CSMD1: variants seen among roughly 807,000 people sequenced by gnomAD.
The protein encoded by CSMD1 is CUB and Sushi multiple domains 1, also known as CUB and sushi domain-containing protein 1.
In CSMD1, 213 loss-of-function variants were observed where a neutral mutation model predicts 417.5. That is an observed-to-expected ratio of 0.51 (90% CI 0.46 to 0.57). The LOEUF is 0.57. Ranked by LOEUF, CSMD1 falls within the 20% of genes least tolerant of loss-of-function variation. CSMD1 has a pLI of 0.00. For synonymous variants in CSMD1, 2,862 were observed against 1,736.8 expected, an observed-to-expected ratio of 1.65 and a Z score of -16.11; for missense variants, 6,923 against 4,529.7, an observed-to-expected ratio of 1.53 and a Z score of -15.17.
intron 1 of CSMD1, among the ~76,000 whole-genome samples, chr8:4,900,918 C>T (rs983994824): frequency 6.6e-6 from 1 of 152,210 alleles, no homozygotes; most frequent in African/African-American, 2.4e-5. Flanking sequence ...TACTTCTCTC[C>T]CTTGCATCCT....
At chr8:4,056,418 T>G (rs112230925) in intron 3 of CSMD1, among the ~76,000 whole-genome samples, 14 of 151,968 alleles carry the variant, frequency 9.2e-5, no homozygotes, top group African/African-American at 2.4e-4. Context: ...CTTTTTTTTT[T>G]GTTTGTGCCA....
At chr8:4,410,625 T>C (rs908674217) in intron 3 of CSMD1, among the ~76,000 whole-genome samples, 43 of 152,116 alleles carry the variant, frequency 2.8e-4, no homozygotes, top group African/African-American at 9.9e-4. Flanking sequence ...TATTACCAAA[T>C]GTAATGTATA....
chr8:3,372,375 G>A (rs887020778), intron 18 of CSMD1, among the ~76,000 whole-genome samples: 1 of 152,126 alleles, frequency 6.6e-6, no homozygotes. Flanking sequence ...GGCACTGGAT[G>A]GCCCTGCCTA....
intron 3 of CSMD1, among the ~76,000 whole-genome samples, chr8:4,226,831 A>C (rs1801389316): frequency 6.6e-6 from 1 of 152,242 alleles, no homozygotes. Context: ...TTGAAATGCA[A>C]ATGCAAATGC....
chr8:3,103,748 T>A (rs11136578), intron 46 of CSMD1, among the ~76,000 whole-genome samples: 91,595 of 137,220 alleles, frequency 0.67, 28,817 homozygotes, highest in South Asian at 0.8. Flanking sequence ...CCTTTTTTTT[T>A]TAAAAAAAAA....
intron 10 of CSMD1, among the ~76,000 whole-genome samples, chr8:3,574,359 G>C (rs112806712): frequency 6.6e-6 from 1 of 152,186 alleles, no homozygotes; most frequent in South Asian, 2.1e-4. Context: ...CTGGGCCTCA[G>C]CCTCTCGAAT....
intron 3 of CSMD1, among the ~76,000 whole-genome samples, chr8:4,194,881 C>G (rs1799239978): frequency 1.3e-5 from 2 of 151,964 alleles, no homozygotes; most frequent in Admixed American, 1.3e-4. Flanking sequence ...ATTGGTCAGC[C>G]ACATAATTAG....
intron 1 of CSMD1, among the ~76,000 whole-genome samples, chr8:4,670,547 C>G (rs1404024321): frequency 6.6e-6 from 1 of 152,138 alleles, no homozygotes; most frequent in East Asian, 1.9e-4. Context: ...GTCTTATATT[C>G]TGATCGTTAC....
chr8:3,617,862 G>A (rs1802220369), intron 7 of CSMD1, among the ~76,000 whole-genome samples: 1 of 152,054 alleles, frequency 6.6e-6, no homozygotes, highest in South Asian at 2.1e-4. Flanking sequence ...TAGCTGAAAG[G>A]TATACATATA....
chr8:4,888,295 C>G (rs1325192246), intron 1 of CSMD1, among the ~76,000 whole-genome samples: 1 of 152,008 alleles, frequency 6.6e-6, no homozygotes, highest in Non-Finnish European at 1.5e-5. Context: ...CACACCCTCT[C>G]CTCACATCAA....
chr8:3,683,093 G>A (rs891176128), intron 7 of CSMD1, among the ~76,000 whole-genome samples: 3 of 151,996 alleles, frequency 2.0e-5, no homozygotes, highest in African/African-American at 7.2e-5. Flanking sequence ...TATACCTAAT[G>A]CTAAATGACA....
chr8:4,154,950 T>C (rs957029138), intron 3 of CSMD1, among the ~76,000 whole-genome samples: 8 of 152,208 alleles, frequency 5.3e-5, no homozygotes, highest in East Asian at 1.9e-4. Context: ...CAAAATGTTA[T>C]ATTGAAAATT....
chr8:3,903,552 A>G (rs1183385598), intron 5 of CSMD1, among the ~76,000 whole-genome samples: 1 of 152,160 alleles, frequency 6.6e-6, no homozygotes, highest in Non-Finnish European at 1.5e-5. Flanking sequence ...CCTGTTTCTG[A>G]ATTTCAATGT....
chr8:4,979,290 C>G (rs1405690517), intron 1 of CSMD1, among the ~76,000 whole-genome samples: 1 of 152,162 alleles, frequency 6.6e-6, no homozygotes, highest in African/African-American at 2.4e-5. Context: ...TGGTTCTATG[C>G]TTTTTACATG....
At chr8:4,186,877 T>A (rs1307950274) in intron 3 of CSMD1, among the ~76,000 whole-genome samples, 1 of 150,644 alleles carries the variant, frequency 6.6e-6, no homozygotes, top group Non-Finnish European at 1.5e-5. Flanking sequence ...GTGCCTGTAG[T>A]CCCAGCTACT....
At chr8:3,887,527 A>G (rs1351583610) in intron 5 of CSMD1, among the ~76,000 whole-genome samples, 1 of 152,208 alleles carries the variant, frequency 6.6e-6, no homozygotes, top group Non-Finnish European at 1.5e-5. Flanking sequence ...GTAAACATGA[A>G]TGTCCAGACC....
chr8:4,572,593 T>G (rs1028335861), intron 2 of CSMD1, among the ~76,000 whole-genome samples: 1 of 152,138 alleles, frequency 6.6e-6, no homozygotes, highest in Non-Finnish European at 1.5e-5. Flanking sequence ...TGATTATGTG[T>G]CTTGGGGTTG....
At chr8:4,595,229 C>T (rs1800193910) in intron 2 of CSMD1, among the ~76,000 whole-genome samples, 1 of 151,802 alleles carries the variant, frequency 6.6e-6, no homozygotes, top group Non-Finnish European at 1.5e-5. Context: ...CTCAAATTGG[C>T]TTGAGTTGGC....
chr8:4,457,721 T>G (rs1799573065), intron 2 of CSMD1, among the ~76,000 whole-genome samples: 1 of 152,146 alleles, frequency 6.6e-6, no homozygotes, highest in Non-Finnish European at 1.5e-5. Flanking sequence ...TTCCCGGTCC[T>G]TCATGTGCTC....
Sources: allele counts gnomAD v4.1 joint callset (sites outside exome capture counted in the v4.1 genomes callset), GRCh38; gene constraint gnomAD v4.1.1; transcripts MANE v1.5; gene names NCBI Gene and HGNC (gene_info 2026-07-23, HGNC 2026-07-21).